PLCXD3: variants seen among roughly 807,000 people sequenced by gnomAD.
The protein encoded by PLCXD3 is PI-PLC X domain-containing protein 3.
A neutral mutation model predicts 25.5 loss-of-function variants in PLCXD3; 19 were observed. The ratio of observed to expected loss-of-function variants is 0.75; its 90% CI spans 0.52 to 1.09. The LOEUF (loss-of-function observed/expected upper bound fraction) is 1.09, where lower values mean the gene tolerates loss of function less well. PLCXD3 is among the 50% of genes least tolerant of loss of function. PLCXD3 has a pLI of 0.00. For missense variants in PLCXD3, 411 were observed against 388.1 expected (o/e 1.06, Z -0.50); for synonymous variants, 174 against 137.6 (o/e 1.26, Z -1.85).
At chr5:41,379,361 T>C (rs1745387397) in intron 2 of PLCXD3, among the ~76,000 whole-genome samples, 2 of 152,004 alleles carry the variant, frequency 1.3e-5, no homozygotes, top group Admixed American at 1.3e-4. Flanking sequence ...TTGTAGAAAA[T>C]GGTGCTATAA....
intron 1 of PLCXD3, among the ~76,000 whole-genome samples, chr5:41,496,610 T>A (rs1748843571): frequency 4.3e-5 from 4 of 93,902 alleles, no homozygotes; most frequent in Non-Finnish European, 6.4e-5. Context: ...AAAGGAAAGG[T>A]AAAGCTTTTC....
chr5:41,320,583 A>G (rs918333514), intron 2 of PLCXD3, among the ~76,000 whole-genome samples: 5 of 151,968 alleles, frequency 3.3e-5, no homozygotes, highest in African/African-American at 9.7e-5. Flanking sequence ...TGCAAGCTCC[A>G]CCTCCCGGGT....
chr5:41,340,898 T>C (rs1451148385), intron 2 of PLCXD3, among the ~76,000 whole-genome samples: 1 of 152,178 alleles, frequency 6.6e-6, no homozygotes, highest in African/African-American at 2.4e-5. Flanking sequence ...GAATGTATTT[T>C]ATAATAGGTC....
At chr5:41,434,302 G>T (rs538017542) in intron 1 of PLCXD3, among the ~76,000 whole-genome samples, 7 of 152,344 alleles carry the variant, frequency 4.6e-5, no homozygotes, top group Middle Eastern at 3.4e-3. Context: ...TGAATACTGA[G>T]TGCTAGATAC....
intron 2 of PLCXD3, among the ~76,000 whole-genome samples, chr5:41,317,317 C>T (rs1743330408): frequency 6.6e-6 from 1 of 152,166 alleles, no homozygotes. Context: ...TTGGGGTGCC[C>T]CCTAAAGCAG....
chr5:41,431,782 G>A (rs1247904993), intron 1 of PLCXD3, among the ~76,000 whole-genome samples: 1 of 152,184 alleles, frequency 6.6e-6, no homozygotes, highest in Non-Finnish European at 1.5e-5. Flanking sequence ...ATCAAGACAA[G>A]TTTTTAAAGT....
chr5:41,349,136 A>G (rs1375024434), intron 2 of PLCXD3, among the ~76,000 whole-genome samples: 1 of 152,216 alleles, frequency 6.6e-6, no homozygotes, highest in Non-Finnish European at 1.5e-5. Context: ...AGTTCTGCAC[A>G]TGCAATGTGA....
At chr5:41,409,703 C>T (rs1746461426) in intron 1 of PLCXD3, among the ~76,000 whole-genome samples, 1 of 152,084 alleles carries the variant, frequency 6.6e-6, no homozygotes, top group South Asian at 2.1e-4. Context: ...CTATTGTGCC[C>T]TCAACAAAAG....
Position 41,382,153 on chromosome 5 carries a change from A to G in PLCXD3, c.485T>C (p.Leu162Pro), listed in dbSNP as rs1289057232. 6.2e-7 allele frequency: 1 copy of G among 1,613,652 alleles called. No individual in the cohort carries two copies. Among genetic ancestry groups the G allele is most frequent in the Non-Finnish European group, 8.5e-7 (1 of 1,179,808 alleles). ...CATTTTATTTCCATAGATGTCTTTC[A>G]GCATTTGGACCAGTTTTTCATGGTG... Reference protein sequence around the residue: ...KYHHEKLVQMLKDIYGNKMCP... With the variant: ...KYHHEKLVQMPKDIYGNKMCP... The change falls in exon 2 of 3, where the codon CTG becomes CCG. Residue 162 changes from leucine (L) to proline (P), a missense_variant. Transcript: ENST00000377801.
chr5:41,390,467 T>C (rs371211512), intron 1 of PLCXD3, among the ~76,000 whole-genome samples: 10 of 152,170 alleles, frequency 6.6e-5, no homozygotes, highest in African/African-American at 2.2e-4. Flanking sequence ...TTATATTTCC[T>C]CAAGCAATAT....
At chr5:41,337,375 T>G (rs1301605447) in intron 2 of PLCXD3, among the ~76,000 whole-genome samples, 6 of 152,258 alleles carry the variant, frequency 3.9e-5, no homozygotes, top group Middle Eastern at 3.4e-3. Context: ...AATGGGAGAC[T>G]TTTCCAGTCC....
chr5:41,353,337 A>G (rs1265294081), intron 2 of PLCXD3, among the ~76,000 whole-genome samples: 7 of 151,224 alleles, frequency 4.6e-5, no homozygotes, highest in African/African-American at 1.7e-4. Flanking sequence ...TCCTGACCTC[A>G]TGATCTGCCC....
At chr5:41,374,692 TC>T (rs1402655182) in intron 2 of PLCXD3, among the ~76,000 whole-genome samples, 1 of 152,086 alleles carries the variant, frequency 6.6e-6, no homozygotes, top group Non-Finnish European at 1.5e-5. Context: ...ACACTGGCTT[TC>T]CATAGTCTCC....
chr5:41,358,994 A>G (rs1163010749), intron 2 of PLCXD3, among the ~76,000 whole-genome samples: 2 of 151,700 alleles, frequency 1.3e-5, no homozygotes, highest in Non-Finnish European at 1.5e-5. Context: ...TTTTCTTTTT[A>G]ATTCTTTTTA....
intron 1 of PLCXD3, among the ~76,000 whole-genome samples, chr5:41,402,954 A>C (rs1746230026): frequency 6.6e-6 from 1 of 152,104 alleles, no homozygotes; most frequent in Admixed American, 6.6e-5. Context: ...ATCCAGTCTG[A>C]CAATGTCTGC....
At chr5:41,463,161 T>A (rs947897528) in intron 1 of PLCXD3, among the ~76,000 whole-genome samples, 21 of 152,046 alleles carry the variant, frequency 1.4e-4, no homozygotes, top group African/African-American at 4.8e-4. Flanking sequence ...TAATCTCACC[T>A]AACCATTGAT....
At chr5:41,407,045 T>C (rs1237241236) in intron 1 of PLCXD3, among the ~76,000 whole-genome samples, 1 of 152,160 alleles carries the variant, frequency 6.6e-6, no homozygotes, top group African/African-American at 2.4e-5. Context: ...CCTGCCAGTA[T>C]TTTTTTCATA....
chr5:41,495,537 C>T (rs1173050291), intron 1 of PLCXD3, among the ~76,000 whole-genome samples: 2 of 152,134 alleles, frequency 1.3e-5, no homozygotes, highest in African/African-American at 4.8e-5. Context: ...ATTCTAGATG[C>T]CTGGGAAGCT....
chr5:41,477,391 C>T (rs1030239709), intron 1 of PLCXD3, among the ~76,000 whole-genome samples: 5 of 152,104 alleles, frequency 3.3e-5, no homozygotes, highest in African/African-American at 4.8e-5. Flanking sequence ...AATCAGAAGA[C>T]TTAGATCCTA....
Sources: allele counts gnomAD v4.1 joint callset (sites outside exome capture counted in the v4.1 genomes callset), GRCh38; gene constraint gnomAD v4.1.1; transcripts MANE v1.5; gene names NCBI Gene and HGNC (gene_info 2026-07-23, HGNC 2026-07-21).